Variants in UTRN observed in about 807,000 individuals in gnomAD.
The protein encoded by UTRN is utrophin, also known as dystrophin-related protein 1.
In UTRN, 283 loss-of-function variants were observed where a neutral mutation model predicts 463.9. The ratio of observed to expected loss-of-function variants is 0.61; its 90% CI spans 0.55 to 0.67. UTRN has a LOEUF of 0.67. Among genes scored for constraint, UTRN ranks in the 30% least tolerant of loss-of-function variants. The pLI, the probability that UTRN is intolerant of heterozygous loss-of-function variation, is 0.00. For missense variants in UTRN, 3,922 were observed against 4,084.3 expected, an observed-to-expected ratio of 0.96 and a Z score of 1.08; for synonymous variants, 1,442 against 1,431.5, an observed-to-expected ratio of 1.01 and a Z score of -0.17.
chr6:144,495,669 G>C (rs986122337), intron 33 of UTRN, among the ~76,000 whole-genome samples: 1 of 152,256 alleles, frequency 6.6e-6, no homozygotes, highest in Admixed American at 6.5e-5. Flanking sequence ...GAGAGCGAGC[G>C]AGGGCTGTGA....
chr6:144,663,498 T>C (rs1780088542), intron 51 of UTRN, among the ~76,000 whole-genome samples: 1 of 152,206 alleles, frequency 6.6e-6, no homozygotes, highest in Non-Finnish European at 1.5e-5. Context: ...CCATTTGCAT[T>C]GTGTACTGTA....
chr6:144,415,055 T>A (rs1784253986), intron 3 of UTRN, among the ~76,000 whole-genome samples: 2 of 152,342 alleles, frequency 1.3e-5, no homozygotes, highest in South Asian at 4.1e-4. Context: ...CTTTTCTGTG[T>A]TTAGATACAT....
rs1358207391 is a variant in UTRN, at chr6:144,479,861, A to G, written c.3386A>G (p.Asn1129Ser). The change falls in exon 26 of 75, where the codon AAC (asparagine) becomes AGC (serine). Residue 1129 changes from asparagine to serine, a missense_variant. Asn to Ser is a conservative substitution (Grantham distance 46). This residue lies in a region of UTRN where 2,349 missense variants were observed against 2,303.8 expected (regional missense o/e 1.02). Coordinates refer to ENST00000367545, the MANE Select transcript of UTRN (RefSeq NM_007124.3). ...RLSESQEKAANLKKDLAEMQE... is the reference protein window; with the variant it reads ...RLSESQEKAASLKKDLAEMQE... The stretch of plus-strand genomic sequence containing the variant: ...TCTGAAAGTCAAGAAAAAGCTGCGA[A>G]CCTGAAGAAAGACTTGGCAGAGATG... The G allele has an allele frequency of 1.2e-6, 2 of 1,614,032 alleles. No homozygotes were observed. Among genetic ancestry groups the G allele is most frequent in the Admixed American group, 1.7e-5 (1 of 59,976 alleles).
At chr6:144,844,227 G>C (rs546396522) in intron 73 of UTRN, among the ~76,000 whole-genome samples, 1 of 151,310 alleles carries the variant, frequency 6.6e-6, no homozygotes, top group Non-Finnish European at 1.5e-5. Flanking sequence ...AGAAATCAGC[G>C]TGGGAGGTAG....
chr6:144,293,664 C>G (rs141410133), intron 2 of UTRN, among the ~76,000 whole-genome samples: 4 of 152,016 alleles, frequency 2.6e-5, no homozygotes, highest in African/African-American at 9.7e-5. Context: ...ATCATTATTT[C>G]CCAAAGTATT....
intron 51 of UTRN, among the ~76,000 whole-genome samples, chr6:144,657,874 A>T (rs567022375): frequency 0.017 from 2,583 of 151,790 alleles, 38 homozygotes; most frequent in Middle Eastern, 0.037. Context: ...TCCCTTTTTT[A>T]TTTATTTATT....
intron 2 of UTRN, chr6:144,344,411 C>T: frequency 1.6e-6 from 2 of 1,228,070 alleles, no homozygotes; most frequent in Non-Finnish European, 2.1e-6. Context: ...AAGCTTAGGA[C>T]CAGGCTGGTG....
At position 144,485,490 on chromosome 6, in the gene UTRN, A is replaced by G. The variant is rs747508638; in HGVS notation, c.3793A>G (p.Lys1265Glu). Reference sequence around the variant, plus strand: ...GAAGAGCACAGAGGTCCTGCCTGAGAAGACGGATGCTGTCAACGAAGCCCT... The same window carrying G: ...GAAGAGCACAGAGGTCCTGCCTGAGGAGACGGATGCTGTCAACGAAGCCCT... Reference protein sequence around the residue: ...RMKSTEVLPEKTDAVNEALES... With the variant: ...RMKSTEVLPEETDAVNEALES... The change falls in exon 28 of 75, where the codon AAG (lysine) becomes GAG (glutamate). Residue 1265 changes from lysine (K) to glutamate (E), a missense_variant. Lys to Glu is a moderately conservative substitution (Grantham distance 56). Coordinates refer to ENST00000367545, the MANE Select transcript of UTRN (RefSeq NM_007124.3). 1.2e-6 allele frequency: 2 copies of G among 1,614,126 alleles called. No individual in the cohort carries two copies. Among genetic ancestry groups the G allele is most frequent in the Admixed American group, 3.3e-5 (2 of 60,026 alleles).
At chr6:144,681,750 A>G in intron 52 of UTRN, among the ~76,000 whole-genome samples, 1 of 152,174 alleles carries the variant, frequency 6.6e-6, no homozygotes, top group Non-Finnish European at 1.5e-5. Context: ...GCAAGTTTAT[A>G]ACAGCTTGAA....
At chr6:144,378,187 G>T (rs1780620251) in intron 2 of UTRN, among the ~76,000 whole-genome samples, 1 of 152,216 alleles carries the variant, frequency 6.6e-6, no homozygotes, top group Admixed American at 6.5e-5. Context: ...CAATTTTGCA[G>T]AAGGTTGAAA....
chr6:144,407,295 A>G (rs1259892052), intron 3 of UTRN, among the ~76,000 whole-genome samples: 1 of 152,204 alleles, frequency 6.6e-6, no homozygotes. Context: ...ATAGACATAC[A>G]TTGAATATGC....
intron 11 of UTRN, among the ~76,000 whole-genome samples, chr6:144,438,032 A>G (rs1421523302): frequency 6.6e-6 from 1 of 152,228 alleles, no homozygotes; most frequent in African/African-American, 2.4e-5. Flanking sequence ...TTGGGAGGCC[A>G]ACGCGGATGG....
intron 58 of UTRN, among the ~76,000 whole-genome samples, chr6:144,765,665 C>T (rs971573896): frequency 6.6e-6 from 1 of 152,154 alleles, no homozygotes; most frequent in Non-Finnish European, 1.5e-5. Context: ...CCTGCTTTGG[C>T]CTCCCCAAAT....
intron 63 of UTRN, among the ~76,000 whole-genome samples, chr6:144,794,701 G>A (rs567139013): frequency 1.3e-5 from 2 of 152,222 alleles, no homozygotes; most frequent in East Asian, 3.9e-4. Context: ...CCATAAACTG[G>A]ATGGCTTTTA....
At chr6:144,751,572 T>C (rs865896894) in intron 55 of UTRN, among the ~76,000 whole-genome samples, 1 of 152,164 alleles carries the variant, frequency 6.6e-6, no homozygotes, top group African/African-American at 2.4e-5. Context: ...GGAACCTGCA[T>C]GTAGGAAAAG....
chr6:144,358,626 C>A (rs1453060286), intron 2 of UTRN, among the ~76,000 whole-genome samples: 1 of 152,202 alleles, frequency 6.6e-6, no homozygotes, highest in South Asian at 2.1e-4. Flanking sequence ...AAAAAACATT[C>A]CAGTATTCTT....
chr6:144,644,718 A>C (rs1233895113), intron 51 of UTRN, among the ~76,000 whole-genome samples: 1 of 152,182 alleles, frequency 6.6e-6, no homozygotes, highest in Non-Finnish European at 1.5e-5. Flanking sequence ...TTCATTAAAG[A>C]GTAATAATAA....
intron 17 of UTRN, among the ~76,000 whole-genome samples, chr6:144,449,027 T>G (rs143937258): frequency 7.9e-5 from 12 of 152,320 alleles, no homozygotes; most frequent in East Asian, 3.9e-4. Context: ...ATCGAAGCTT[T>G]CTTTCTTCCT....
chr6:144,816,733 C>CTTTT (rs35967778), intron 65 of UTRN, among the ~76,000 whole-genome samples: 53 of 132,066 alleles, frequency 4.0e-4, no homozygotes, highest in East Asian at 1.1e-3. Context: ...AGCTTTTTTC[C>CTTTT]TTTTTTTTTT....
Sources: allele counts gnomAD v4.1 joint callset (sites outside exome capture counted in the v4.1 genomes callset), GRCh38; gene constraint gnomAD v4.1.1; regional missense constraint gnomAD v4.1.1; transcripts MANE v1.5; gene names NCBI Gene and HGNC (gene_info 2026-07-23, HGNC 2026-07-21).